DENND5A: variants seen among roughly 807,000 people sequenced by gnomAD.
The protein encoded by DENND5A is DENN domain-containing protein 5A.
A neutral mutation model predicts 140.3 loss-of-function variants in DENND5A; 64 were observed. The ratio of observed to expected loss-of-function variants is 0.46; its 90% CI spans 0.37 to 0.56. DENND5A has a LOEUF of 0.56. Ranked by LOEUF, DENND5A falls within the 20% of genes least tolerant of loss-of-function variation. The probability of loss-of-function intolerance (pLI) is 0.00; values close to 1 mark genes in which losing one functional copy is unlikely to be tolerated. For synonymous variants in DENND5A, 605 were observed against 607.7 expected (o/e 1.00, Z 0.07); for missense variants, 1,292 against 1,593.8 (o/e 0.81, Z 3.22).
At chr11:9,257,355 T>C (rs1851988369) in intron 1 of DENND5A, among the ~76,000 whole-genome samples, 1 of 147,898 alleles carries the variant, frequency 6.8e-6, no homozygotes, top group Non-Finnish European at 1.5e-5. Flanking sequence ...GCTACGGGCC[T>C]GGGAGGTCGA....
At chr11:9,165,806 A>G in intron 11 of DENND5A, 30 bp downstream of exon 11, 2 of 1,612,552 alleles carry the variant, frequency 1.2e-6, no homozygotes, top group Non-Finnish European at 8.5e-7. Context: ...TAACAGAAAT[A>G]GCACACATAC....
intron 3 of DENND5A, among the ~76,000 whole-genome samples, chr11:9,204,818 T>C (rs556099243): frequency 6.4e-4 from 97 of 152,262 alleles, no homozygotes; most frequent in African/African-American, 2.2e-3. Flanking sequence ...GCCAAGATCA[T>C]GCACTGCACT....
rs1452525869 is a variant in DENND5A, at chr11:9,207,646, G to T, written c.110-14C>A. Reference sequence around the variant, plus strand: ...ACTGGCATAATGCTATATGATAAATGAAATAACAGAGTATTACAATAAAGC... The same window carrying T: ...ACTGGCATAATGCTATATGATAAATTAAATAACAGAGTATTACAATAAAGC... On this transcript the variant is annotated splice_polypyrimidine_tract_variant and intron_variant, in intron 1 of 22. Transcript: ENST00000328194. 1 of 1,570,498 alleles carries T rather than the reference G, an allele frequency of 6.4e-7. No homozygotes were observed. The highest frequency in any genetic ancestry group is 1.3e-5 in the African/African-American group (1 of 74,088).
chr11:9,146,861 A>G, intron 16 of DENND5A, 169 bp downstream of exon 16: 1 of 702,306 alleles, frequency 1.4e-6, no homozygotes. Flanking sequence ...TTCAGAGAAA[A>G]CACAGCCTCC....
chr11:9,176,529 A>G (rs11607384), intron 8 of DENND5A, among the ~76,000 whole-genome samples: 50,038 of 152,000 alleles, frequency 0.33, 8,870 homozygotes, highest in African/African-American at 0.44. Context: ...ACATCCCTAC[A>G]TGCTGGGTAC....
rs756627545 is a variant in DENND5A at position 9,145,663 on chromosome 11, C to T, written c.3003+7G>A. 2.5e-6 allele frequency: 4 copies of T among 1,614,082 alleles called. No homozygotes were observed. The Admixed American group carries it at 5.0e-5, about 20-fold the overall frequency. Reference sequence around the variant, plus strand: ...CCCACAGAGCTGTGGCCCCAAATAACACATACCTCGAAGGTCATCTCTAGC... The same window carrying T: ...CCCACAGAGCTGTGGCCCCAAATAATACATACCTCGAAGGTCATCTCTAGC... On this transcript the variant is annotated splice_region_variant and intron_variant, in intron 17 of 22. Transcript: ENST00000328194.
At position 9,144,294 on chromosome 11, in the gene DENND5A, T is replaced by C. The variant is rs756105326; in HGVS notation, c.3123-16A>G. The C allele has an allele frequency of 6.2e-6, 10 of 1,612,874 alleles. No homozygotes were observed. Among genetic ancestry groups the C allele is most frequent in the Admixed American group, 5.0e-5 (3 of 59,938 alleles). On this transcript the variant is annotated splice_polypyrimidine_tract_variant and intron_variant, in intron 18 of 22. Transcript: ENST00000328194. Reference sequence around the variant, plus strand: ...ACACGGGAACCTGAAGATCAGACAATGGACTGTCAGAGCAGCCAGCTCCTC... The same window carrying C: ...ACACGGGAACCTGAAGATCAGACAACGGACTGTCAGAGCAGCCAGCTCCTC...
chr11:9,155,759 C>G (rs1348317598), intron 12 of DENND5A, among the ~76,000 whole-genome samples: 2 of 152,252 alleles, frequency 1.3e-5, no homozygotes, highest in South Asian at 4.1e-4. Flanking sequence ...AACCAAACCT[C>G]TATCTGATAG....
chr11:9,263,678 T>TA (rs2136313027), intron 1 of DENND5A, among the ~76,000 whole-genome samples: 1 of 145,500 alleles, frequency 6.9e-6, no homozygotes, highest in African/African-American at 2.5e-5. Context: ...CCGTCTCTAC[T>TA]AAAAATACAA....
intron 5 of DENND5A, among the ~76,000 whole-genome samples, chr11:9,185,515 T>G (rs1848880661): frequency 1.3e-5 from 2 of 152,194 alleles, no homozygotes; most frequent in Admixed American, 6.5e-5. Context: ...CAAGTCATAT[T>G]CTAAAAGAAA....
chr11:9,142,938 G>A, intron 20 of DENND5A, 93 bp from the exon 21 acceptor site: 2 of 1,527,712 alleles, frequency 1.3e-6, no homozygotes, highest in East Asian at 2.3e-5. Context: ...AGAGTTGGGA[G>A]GGCTGCAAAA....
chr11:9,260,926 G>A (rs1852167499), intron 1 of DENND5A, among the ~76,000 whole-genome samples: 1 of 152,134 alleles, frequency 6.6e-6, no homozygotes, highest in African/African-American at 2.4e-5. Context: ...TCAGTTCACT[G>A]CAACCTCTGC....
At chr11:9,238,542 G>C (rs974901822) in intron 1 of DENND5A, among the ~76,000 whole-genome samples, 1 of 151,356 alleles carries the variant, frequency 6.6e-6, no homozygotes, top group African/African-American at 2.4e-5. Context: ...TCAGCTTCCC[G>C]AGTAGCTGGG....
At chr11:9,226,750 A>G (rs1274191836) in intron 1 of DENND5A, among the ~76,000 whole-genome samples, 1 of 152,196 alleles carries the variant, frequency 6.6e-6, no homozygotes, top group African/African-American at 2.4e-5. Context: ...ATACTTCCTT[A>G]AGGTGAAAAT....
At position 9,150,136 on chromosome 11, in the gene DENND5A, T is replaced by C. The variant is rs1315039195; in HGVS notation, c.2680A>G (p.Lys894Glu). ...TTCAGGTGTCTGGAAAGTAACTTTTTTTCCATGGACAGTCGCACCCATGCT... is the reference window on the plus strand; with the variant it reads ...TTCAGGTGTCTGGAAAGTAACTTTTCTTCCATGGACAGTCGCACCCATGCT... The part of the protein sequence containing the change: ...ARAWVRLSME[K>E]KLLSRHLKQL... The change falls in exon 15 of 23, where the codon AAA becomes GAA. Residue 894 changes from lysine to glutamate, a missense_variant. Physicochemically the swap from Lys to Glu is moderately conservative, Grantham distance 56. This residue lies in a region of DENND5A where 498 missense variants were observed against 689.7 expected (regional missense o/e 0.72). Coordinates refer to ENST00000328194, the MANE Select transcript of DENND5A (RefSeq NM_015213.4). 3 of 1,613,920 alleles carry C rather than the reference T, an allele frequency of 1.9e-6. No individual in the cohort carries two copies. The highest frequency in any genetic ancestry group is 1.1e-5 in the South Asian group (1 of 91,084).
chr11:9,144,528 T>G (rs575977385), intron 18 of DENND5A, among the ~76,000 whole-genome samples: 2 of 152,092 alleles, frequency 1.3e-5, no homozygotes, highest in Non-Finnish European at 2.9e-5. Context: ...TGATGGCTCA[T>G]GCCTGTAATC....
At chr11:9,141,126 CAAAAT>C (rs1245496118) in intron 22 of DENND5A, among the ~76,000 whole-genome samples, 2 of 147,354 alleles carry the variant, frequency 1.4e-5, no homozygotes, top group Non-Finnish European at 3.0e-5. Context: ...AACTCCATCT[CAAAAT>C]AAATAAATAA....
At chr11:9,152,864 T>C (rs1847667600) in intron 12 of DENND5A, among the ~76,000 whole-genome samples, 1 of 151,302 alleles carries the variant, frequency 6.6e-6, no homozygotes, top group South Asian at 2.1e-4. Context: ...ATTAGCAGGA[T>C]GTGGTGGTGC....
chr11:9,179,485 T>C (rs1848653931), intron 6 of DENND5A, among the ~76,000 whole-genome samples: 1 of 151,770 alleles, frequency 6.6e-6, no homozygotes. Flanking sequence ...ACTTTCCTTC[T>C]TTCTGCAAAA....
Sources: allele counts gnomAD v4.1 joint callset (sites outside exome capture counted in the v4.1 genomes callset), GRCh38; gene constraint gnomAD v4.1.1; regional missense constraint gnomAD v4.1.1; transcripts MANE v1.5; gene names NCBI Gene and HGNC (gene_info 2026-07-23, HGNC 2026-07-21).